The following MTMR9 variants were observed in gnomAD, a reference collection of about 807,000 sequenced individuals.
The protein encoded by MTMR9 is myotubularin-related protein 9.
MTMR9 carries 39 observed loss-of-function variants against 69.5 expected under a neutral mutation model. That is an observed-to-expected ratio of 0.56 (90% confidence interval 0.43 to 0.73). The LOEUF is 0.73. Ranked by LOEUF, MTMR9 falls within the 30% of genes least tolerant of loss-of-function variation. The pLI, the probability that MTMR9 is intolerant of heterozygous loss-of-function variation, is 0.00. For synonymous variants in MTMR9, 354 were observed against 240.8 expected (o/e 1.47, Z -4.35); for missense variants, 900 against 671.2 (o/e 1.34, Z -3.77).
chr8:11,289,054 C>A (rs760874226), intron 1 of MTMR9, among the ~76,000 whole-genome samples: 29 of 152,190 alleles, frequency 1.9e-4, no homozygotes, highest in Middle Eastern at 3.4e-3. Flanking sequence ...TGTCTCTGAT[C>A]CCAGCTACTC....
intron 7 of MTMR9, 69 bp from the exon 8 acceptor site, chr8:11,316,604 G>GTGTC (rs1800425162): frequency 1.0e-6 from 1 of 953,844 alleles, no homozygotes; most frequent in South Asian, 1.8e-5. Flanking sequence ...GTGTATAGTG[G>GTGTC]TGTCGGTAGA....
rs146905117 is a variant in MTMR9, at chr8:11,297,511, ATG to A, written c.291+2213_291+2214del. Among the ~76,000 whole-genome samples the A allele has an allele frequency of 1.4e-3, 205 of 151,098 alleles. 1 individual carries two copies. In the East Asian group the frequency reaches 0.015, roughly 11 times the overall value. ...CATTACCCACTTCCATTGAGCATGT[ATG>A]TGTTTGTGGGTTTTGTGGTTTTTTT... On this transcript the variant is annotated intron_variant, in intron 2 of 9. Coordinates refer to ENST00000221086, the MANE Select transcript of MTMR9 (RefSeq NM_015458.4).
rs1191207413 is a variant in MTMR9, at chr8:11,324,921, G to C, written c.*2133G>C. ...GTTGATCGGCCATAGGGCTTCCATG[G>C]GTGGAAACTTGTGAGGGAGTTTGTA... On this transcript the variant is annotated 3_prime_UTR_variant, in exon 10 of 10. Coordinates refer to ENST00000221086, the MANE Select transcript of MTMR9 (RefSeq NM_015458.4). 6.6e-6 allele frequency: 1 copy of C among 152,248 alleles called. No homozygotes were observed. The highest frequency in any genetic ancestry group is 2.4e-5 in the African/African-American group (1 of 41,452). The allele number at this position is 152,248 out of a possible 1,614,324, so 9.4% of individuals were successfully genotyped here.
intron 1 of MTMR9, among the ~76,000 whole-genome samples, chr8:11,288,027 A>T (rs1159267859): frequency 8.0e-6 from 1 of 125,334 alleles, no homozygotes; most frequent in Non-Finnish European, 1.6e-5. Context: ...TACGTATGAT[A>T]TATAATATAT....
chr8:11,285,011 G>A lies in MTMR9; in HGVS notation c.123G>A (p.Arg41=). ...LTGHHLILSS[R]QDNTEELWLL... ...GCCACCACTTGATCCTGTCCTCCCG[G>A]CAGGACAATACGGAGGAGCTGTGGC... The change falls in exon 1 of 10, where the codon CGG becomes CGA. Residue 41 remains arginine, a synonymous_variant. Transcript: ENST00000221086. 6.2e-7 allele frequency: 1 copy of A among 1,613,448 alleles called. No homozygotes were observed.
chr8:11,303,411 A>G (rs533056196), intron 3 of MTMR9, among the ~76,000 whole-genome samples: 2 of 152,164 alleles, frequency 1.3e-5, no homozygotes, highest in East Asian at 3.9e-4. Context: ...AAACACTGAA[A>G]AAGCTAAAAA....
In MTMR9 at chr8:11,322,619, C is replaced by G; in HGVS notation, c.1487-6C>G. 6.2e-7 allele frequency: 1 copy of G among 1,611,990 alleles called. No homozygotes were observed. ...TGCTTCTGTTTTCCATTCCTGGATT[C>G]AATAGGTATTTTCCTACGTTGGAAT... On this transcript the variant is annotated splice_region_variant and splice_polypyrimidine_tract_variant and intron_variant, in intron 9 of 9. Coordinates refer to ENST00000221086, the MANE Select transcript of MTMR9 (RefSeq NM_015458.4).
intron 9 of MTMR9, 72 bp from the exon 10 acceptor site, chr8:11,322,553 T>G: frequency 1.6e-6 from 2 of 1,281,044 alleles, no homozygotes; most frequent in Non-Finnish European, 1.1e-6. Context: ...AATTACATCT[T>G]ATCCACAAAT....
In MTMR9 at chr8:11,309,369, T is replaced by A. The variant is rs370871525; in HGVS notation, c.810-158T>A. On this transcript the variant is annotated intron_variant, in intron 5 of 9. Coordinates refer to ENST00000221086, the MANE Select transcript of MTMR9 (RefSeq NM_015458.4). ...TTGCAACAATGTTTAAATATTAGTT[T>A]TTCAACCTTTAATCCTCAAATTATA... Among the ~76,000 whole-genome samples the A allele has an allele frequency of 3.0e-4, 46 of 152,372 alleles. 1 individual carries two copies. In the South Asian group the frequency reaches 8.9e-3, roughly 30 times the overall value.
At chr8:11,336,329 G>A in the MTMR9 span, among the ~76,000 whole-genome samples, 1 of 152,334 alleles carries the variant, frequency 6.6e-6, no homozygotes, top group South Asian at 2.1e-4. Flanking sequence ...GACCTGGGGT[G>A]GCTGGAGAAA....
intron 1 of MTMR9, among the ~76,000 whole-genome samples, chr8:11,294,474 A>T (rs555873845): frequency 1.0e-3 from 140 of 136,750 alleles, no homozygotes; most frequent in African/African-American, 4.0e-3. Flanking sequence ...TCAGAAATGG[A>T]TGTTAGATTT....
chr8:11,330,964 C>G (rs1311579519), downstream of MTMR9: 3 of 1,389,594 alleles, frequency 2.2e-6, no homozygotes, highest in Non-Finnish European at 2.9e-6. Context: ...CAGAGTTGGA[C>G]TCAGCGGGAA....
At chr8:11,296,668 C>G (rs1198136263) in intron 2 of MTMR9, among the ~76,000 whole-genome samples, 1 of 152,122 alleles carries the variant, frequency 6.6e-6, no homozygotes, top group Non-Finnish European at 1.5e-5. Flanking sequence ...GTTTTTTTCA[C>G]TTAGCATAAT....
downstream of MTMR9, chr8:11,328,221 T>G (rs990415156): frequency 6.6e-6 from 1 of 152,144 alleles, no homozygotes; most frequent in Non-Finnish European, 1.5e-5. Flanking sequence ...ATCTATATAT[T>G]TTTTACCTTA....
intron 3 of MTMR9, among the ~76,000 whole-genome samples, chr8:11,302,963 G>A (rs61494624): frequency 0.059 from 9,001 of 151,816 alleles, 961 homozygotes; most frequent in African/African-American, 0.21. Context: ...AAAAAATTTT[G>A]AAAGCTTAAA....
intron 1 of MTMR9, among the ~76,000 whole-genome samples, chr8:11,286,666 CAAAAAAAAAAAA>C (rs869105936): frequency 1.4e-5 from 1 of 71,664 alleles, no homozygotes; most frequent in African/African-American, 5.3e-5. Flanking sequence ...AACTCCATCT[CAAAAAAAAAAAA>C]AAAAAAAAAA....
intron 2 of MTMR9, among the ~76,000 whole-genome samples, chr8:11,296,658 GT>G (rs1453352082): frequency 6.6e-6 from 1 of 151,860 alleles, no homozygotes; most frequent in Admixed American, 6.6e-5. Flanking sequence ...TTTGTGACTG[GT>G]TTTTTTCACT....
At chr8:11,321,684 ATC>A in intron 9 of MTMR9, 1 of 316,096 alleles carries the variant, frequency 3.2e-6, no homozygotes, top group South Asian at 2.7e-5. Flanking sequence ...GCCTTAAAAT[ATC>A]TCTCTGCTGT....
At chr8:11,331,482 C>T (rs978723835), downstream of MTMR9, 2 of 1,613,838 alleles carry the variant, frequency 1.2e-6, no homozygotes, top group Non-Finnish European at 1.7e-6. Context: ...TCAGGTGGTG[C>T]CCGCTGGCAA....
Sources: gnomAD v4.1 joint callset for allele counts (sites outside exome capture counted in the v4.1 genomes callset) on GRCh38, gnomAD v4.1.1 for gene constraint, MANE v1.5 for transcripts, NCBI Gene and HGNC (gene_info 2026-07-23, HGNC 2026-07-21) for gene names.